The following ADGRV1 variants were observed in gnomAD, a reference collection of about 807,000 sequenced individuals.
ADGRV1 encodes the protein G-protein coupled receptor 98.
A neutral mutation model predicts 596.2 loss-of-function variants in ADGRV1; 359 were observed. That is an observed-to-expected ratio of 0.60 (90% CI 0.55 to 0.66). The LOEUF (loss-of-function observed/expected upper bound fraction) is 0.66, where lower values mean the gene tolerates loss of function less well. ADGRV1 is among the 30% of genes least tolerant of loss of function. The pLI, the probability that ADGRV1 is intolerant of heterozygous loss-of-function variation, is 0.00. For synonymous variants in ADGRV1, 2,681 were observed against 2,679.2 expected (o/e 1.00, Z -0.02); for missense variants, 7,274 against 7,575.6 (o/e 0.96, Z 1.48).
chr5:90,924,617 G>A (rs1430496463), intron 83 of ADGRV1, among the ~76,000 whole-genome samples: 2 of 151,300 alleles, frequency 1.3e-5, no homozygotes, highest in Non-Finnish European at 3.0e-5. Flanking sequence ...CTTTTGCTGT[G>A]CAGAAGCTCT....
chr5:90,877,512 T>C lies in ADGRV1; in HGVS notation c.17856+13655T>C, dbSNP rs758857557. ...TCTAATCTGAAAAGGCTGAAGTATC[T>C]AGTTCTGTACTACTGCGTATGGAGA... On this transcript the variant is annotated intron_variant, in intron 83 of 89. Transcript: ENST00000405460. 1.1e-3 allele frequency among the ~76,000 whole-genome samples: 160 copies of C among 152,228 alleles called. 3 individuals carry two copies. Among genetic ancestry groups the C allele is most frequent in the Non-Finnish European group, 9.6e-4 (65 of 68,000 alleles).
chr5:90,559,106 G>A (rs1350916792), intron 1 of ADGRV1, among the ~76,000 whole-genome samples, 189 bp downstream of exon 1: 3 of 152,116 alleles, frequency 2.0e-5, no homozygotes, highest in Non-Finnish European at 4.4e-5. Flanking sequence ...TGCCCGCGTC[G>A]GTTCTGTCCA....
intron 87 of ADGRV1, among the ~76,000 whole-genome samples, chr5:91,143,624 G>A (rs991820691): frequency 2.6e-5 from 4 of 152,190 alleles, no homozygotes; most frequent in Non-Finnish European, 5.9e-5. Context: ...GGGAGGAAGT[G>A]CATGCTGATT....
At chr5:90,716,359 A>G (rs577599430) in intron 42 of ADGRV1, 108 bp from the exon 43 acceptor site, 1 of 662,014 alleles carries the variant, frequency 1.5e-6, no homozygotes, top group South Asian at 3.1e-5. Context: ...TAAGACAATC[A>G]CCTTAGGTAA....
At chr5:90,774,421 A>T in intron 60 of ADGRV1, 118 bp downstream of exon 60, 1 of 621,734 alleles carries the variant, frequency 1.6e-6, no homozygotes, top group Non-Finnish European at 2.8e-6. Flanking sequence ...TAAAACATAA[A>T]GATACCATTT....
chr5:90,706,139 A>G, intron 37 of ADGRV1, 92 bp from the exon 38 acceptor site: 1 of 1,049,344 alleles, frequency 9.5e-7, no homozygotes, highest in Non-Finnish European at 1.4e-6. Context: ...TAGCTACTAA[A>G]GGTGCTTTTA....
chr5:90,691,065 A>G (rs745950926), intron 31 of ADGRV1, 24 bp downstream of exon 31: 3 of 1,613,422 alleles, frequency 1.9e-6, no homozygotes, highest in East Asian at 2.2e-5. Flanking sequence ...CTAGTATAGA[A>G]TGACACTGTA....
rs768294546 is a variant in ADGRV1 at position 90,759,524 on chromosome 5, T to C, written c.12056T>C (p.Val4019Ala). ...AGGGRLGDDVVVTVVIPQNDS... is the reference protein window; with the variant it reads ...AGGGRLGDDVAVTVVIPQNDS... ...GGTGGCAGACTTGGTGATGATGTTG[T>C]GGTAACTGTTGTTATTCCACAAAAT... Residue 4019 changes from valine (V) to alanine (A), a missense_variant, in exon 58 of 90, where the codon GTG becomes GCG. By Grantham distance (64) the Val-to-Ala change is moderately conservative. Around this residue, in one of 5 missense-constraint regions of ADGRV1, gnomAD observed 3,643 missense variants for 3,809.2 expected, o/e 0.96. Transcript: ENST00000405460. 9.9e-6 allele frequency: 16 copies of C among 1,613,266 alleles called. No homozygotes were observed. In the South Asian group the frequency reaches 1.8e-4, roughly 18 times the overall value.
chr5:90,753,992 T>A (rs1367698623), intron 54 of ADGRV1, among the ~76,000 whole-genome samples, 163 bp downstream of exon 54: 1 of 152,184 alleles, frequency 6.6e-6, no homozygotes, highest in Non-Finnish European at 1.5e-5. Context: ...CTGGTAATCA[T>A]GTGAAATTAC....
intron 29 of ADGRV1, among the ~76,000 whole-genome samples, chr5:90,687,205 C>G (rs1359851769): frequency 1.3e-5 from 2 of 152,144 alleles, no homozygotes; most frequent in East Asian, 3.8e-4. Context: ...TGCAGAAGCT[C>G]TTTAGTTTAA....
chr5:91,141,466 C>T (rs1178249938), intron 87 of ADGRV1, among the ~76,000 whole-genome samples: 1 of 152,100 alleles, frequency 6.6e-6, no homozygotes, highest in Non-Finnish European at 1.5e-5. Flanking sequence ...CACTTGTTTC[C>T]TTTTTCCATA....
chr5:90,667,869 G>C (rs10942603), intron 21 of ADGRV1, among the ~76,000 whole-genome samples: 164 of 151,534 alleles, frequency 1.1e-3, no homozygotes, highest in African/African-American at 2.4e-3. Context: ...GTACCCTGCC[G>C]TGTGAGGTGT....
chr5:91,148,995 A>G (rs935487688), intron 87 of ADGRV1, among the ~76,000 whole-genome samples: 1 of 152,140 alleles, frequency 6.6e-6, no homozygotes, highest in Non-Finnish European at 1.5e-5. Flanking sequence ...AATTACTCAC[A>G]TTTGGAATGG....
chr5:90,843,335 T>C (rs1419251017), intron 78 of ADGRV1, among the ~76,000 whole-genome samples: 1 of 152,184 alleles, frequency 6.6e-6, no homozygotes, highest in African/African-American at 2.4e-5. Context: ...ATCAATGGAA[T>C]AGAACAAAAA....
At chr5:90,972,495 A>G (rs1272777050) in intron 84 of ADGRV1, among the ~76,000 whole-genome samples, 1 of 152,234 alleles carries the variant, frequency 6.6e-6, no homozygotes, top group Non-Finnish European at 1.5e-5. Flanking sequence ...AAATTATAAT[A>G]AACTGTCTCT....
At chr5:90,821,374 G>T (rs969101419) in intron 75 of ADGRV1, among the ~76,000 whole-genome samples, 1 of 151,070 alleles carries the variant, frequency 6.6e-6, no homozygotes, top group Non-Finnish European at 1.5e-5. Flanking sequence ...TCCTCCCGTA[G>T]CTCAGAGTAA....
chr5:90,902,127 T>C (rs974837736), intron 83 of ADGRV1, among the ~76,000 whole-genome samples: 3 of 151,848 alleles, frequency 2.0e-5, no homozygotes, highest in African/African-American at 7.3e-5. Flanking sequence ...AAGAAAGGAG[T>C]CAAGGAAGAT....
intron 85 of ADGRV1, among the ~76,000 whole-genome samples, chr5:91,013,970 C>T (rs28875340): frequency 0.36 from 54,058 of 151,602 alleles, 9,855 homozygotes; most frequent in East Asian, 0.5. Context: ...GGAGTCTTTT[C>T]CCAATGGTAT....
chr5:90,936,811 C>T (rs1775729807), intron 83 of ADGRV1, among the ~76,000 whole-genome samples: 1 of 152,000 alleles, frequency 6.6e-6, no homozygotes, highest in Admixed American at 6.5e-5. Flanking sequence ...TTTAAAATTT[C>T]TTAAACATAT....
Sources: gnomAD v4.1 joint callset for allele counts (sites outside exome capture counted in the v4.1 genomes callset) on GRCh38, gnomAD v4.1.1 for gene constraint, gnomAD v4.1.1 regional missense constraint, MANE v1.5 for transcripts, NCBI Gene and HGNC (gene_info 2026-07-23, HGNC 2026-07-21) for gene names.